SLMAP: variants seen among roughly 807,000 people sequenced by gnomAD.
SLMAP encodes sarcolemmal membrane-associated protein.
SLMAP carries 44 observed loss-of-function variants against 128.8 expected under a neutral mutation model. The ratio of observed to expected loss-of-function variants is 0.34; its 90% CI spans 0.27 to 0.44. The LOEUF (loss-of-function observed/expected upper bound fraction) is 0.44, where lower values mean the gene tolerates loss of function less well. Ranked by LOEUF, SLMAP falls within the 20% of genes least tolerant of loss-of-function variation. SLMAP has a pLI of 1.00. For synonymous variants in SLMAP, 327 were observed against 348.8 expected (o/e 0.94, Z 0.70); for missense variants, 787 against 985.3 (o/e 0.80, Z 2.69).
intron 8 of SLMAP, among the ~76,000 whole-genome samples, chr3:57,858,547 T>C (rs1306859061): frequency 6.6e-6 from 1 of 152,216 alleles, no homozygotes; most frequent in Non-Finnish European, 1.5e-5. Flanking sequence ...ATGGATGGTA[T>C]TGTGTTCTTC....
At chr3:57,771,584 C>T (rs552259537) in intron 2 of SLMAP, among the ~76,000 whole-genome samples, 22 of 152,048 alleles carry the variant, frequency 1.4e-4, no homozygotes, top group Non-Finnish European at 2.4e-4. Context: ...GGCTGGAATA[C>T]GGTGCAGTCA....
At chr3:57,787,685 AG>A (rs933000447) in intron 2 of SLMAP, among the ~76,000 whole-genome samples, 1 of 152,188 alleles carries the variant, frequency 6.6e-6, no homozygotes, top group Non-Finnish European at 1.5e-5. Context: ...CATGTTGGCC[AG>A]GCTGGTCTTG....
chr3:57,863,677 A>G (rs1410987699), intron 10 of SLMAP, among the ~76,000 whole-genome samples: 1 of 152,146 alleles, frequency 6.6e-6, no homozygotes, highest in Non-Finnish European at 1.5e-5. Flanking sequence ...GAATTCACTC[A>G]TTACCATGAG....
chr3:57,840,423 G>A (rs868529640), intron 3 of SLMAP, among the ~76,000 whole-genome samples: 12 of 152,144 alleles, frequency 7.9e-5, no homozygotes, highest in African/African-American at 2.4e-4. Context: ...TTTTTAATCA[G>A]AGCTTAGTGA....
intron 22 of SLMAP, 62 bp from the exon 23 acceptor site, chr3:57,922,827 G>C: frequency 6.6e-7 from 1 of 1,507,808 alleles, no homozygotes; most frequent in Non-Finnish European, 9.1e-7. Flanking sequence ...AACCTGATTA[G>C]AACCATAACA....
At chr3:57,844,487 C>A (rs17058599) in intron 4 of SLMAP, among the ~76,000 whole-genome samples, 1 of 151,940 alleles carries the variant, frequency 6.6e-6, no homozygotes, top group African/African-American at 2.4e-5. Flanking sequence ...ACATTTCCTT[C>A]TTATGGTTTG....
rs373014506 is a variant in SLMAP, at chr3:57,902,463, C to T, written c.1502-5421C>T. Among the ~76,000 whole-genome samples, 24 of 152,290 alleles carry T rather than the reference C, an allele frequency of 1.6e-4. No individual in the cohort carries two copies. The East Asian group carries it at 2.9e-3, about 18-fold the overall frequency. ...GATCATTATAACAATTCAGTGGCTT[C>T]TGAGCACAGCAATGATATGATCAGA... On this transcript the variant is annotated intron_variant, in intron 17 of 24. Transcript: ENST00000671191.
At chr3:57,795,941 T>A (rs2086638464) in intron 2 of SLMAP, among the ~76,000 whole-genome samples, 1 of 152,236 alleles carries the variant, frequency 6.6e-6, no homozygotes, top group South Asian at 2.1e-4. Context: ...CCTGATAGTA[T>A]CTTTTAAAGT....
Position 57,862,046 on chromosome 3 carries a change from G to C in SLMAP, c.926G>C (p.Gly309Ala). The change falls in exon 10 of 25, where the codon GGA becomes GCA. Residue 309 changes from glycine to alanine, a missense_variant. Gly to Ala is a moderately conservative substitution (Grantham distance 60). Around this residue, in one of 2 missense-constraint regions of SLMAP, gnomAD observed 715 missense variants for 843.6 expected, o/e 0.85. Coordinates refer to ENST00000671191, the MANE Select transcript of SLMAP (RefSeq NM_001377540.1). ...AGAGAATTAGCCAACAAATATAATG[G>C]AGCAGTTAATGAGATTAAAGATTTA... is the stretch of plus-strand genomic sequence containing the variant. ...ELRELANKYN[G>A]AVNEIKDLSD... 1 of 1,594,452 alleles carries C rather than the reference G, an allele frequency of 6.3e-7. No homozygotes were observed. Among genetic ancestry groups the C allele is most frequent in the South Asian group, 1.1e-5 (1 of 90,612 alleles).
intron 3 of SLMAP, among the ~76,000 whole-genome samples, chr3:57,838,963 T>G (rs1404031127): frequency 6.6e-6 from 1 of 151,846 alleles, no homozygotes; most frequent in Non-Finnish European, 1.5e-5. Flanking sequence ...TTATTGTTGT[T>G]TGTTTGTTTG....
chr3:57,789,956 C>T (rs1001625432), intron 2 of SLMAP, among the ~76,000 whole-genome samples: 1 of 152,172 alleles, frequency 6.6e-6, no homozygotes, highest in Non-Finnish European at 1.5e-5. Context: ...CCTGCCTCAG[C>T]CTCCCAAGTA....
At chr3:57,896,809 A>C in intron 16 of SLMAP, 64 bp from the exon 17 acceptor site, 2 of 1,513,782 alleles carry the variant, frequency 1.3e-6, no homozygotes. Flanking sequence ...TTTTGATAAC[A>C]ATAGCTTGCT....
chr3:57,809,566 G>A (rs1183742129), intron 2 of SLMAP, among the ~76,000 whole-genome samples: 1 of 152,198 alleles, frequency 6.6e-6, no homozygotes, highest in Non-Finnish European at 1.5e-5. Context: ...AGGCAGACAG[G>A]TTCCCGGGTG....
Position 57,877,690 on chromosome 3 carries a change from G to C in SLMAP, c.1300+5992G>C, listed in dbSNP as rs538597127. Among the ~76,000 whole-genome samples, 92 of 152,116 alleles carry C rather than the reference G, an allele frequency of 6.0e-4. 1 individual carries two copies. The South Asian group carries it at 0.017, about 29-fold the overall frequency. On this transcript the variant is annotated intron_variant, in intron 14 of 24. Transcript: ENST00000671191. ...ATTTTCTCCCATTATAACTGCCCAG[G>C]TGACAATCTTAAGTACATGCCAGTG... is the stretch of plus-strand genomic sequence containing the variant.
At chr3:57,840,100 C>T (rs958235106) in intron 3 of SLMAP, among the ~76,000 whole-genome samples, 4 of 152,068 alleles carry the variant, frequency 2.6e-5, no homozygotes, top group Admixed American at 6.6e-5. Context: ...GGATTACAGG[C>T]GTGAGCCACT....
At chr3:57,907,513 C>T (rs1055062656) in intron 17 of SLMAP, among the ~76,000 whole-genome samples, 1 of 152,196 alleles carries the variant, frequency 6.6e-6, no homozygotes, top group Admixed American at 6.5e-5. Context: ...ATTTTTCTGA[C>T]TGGTTATCAA....
chr3:57,808,249 G>A (rs1010900288), intron 2 of SLMAP, among the ~76,000 whole-genome samples: 1 of 151,776 alleles, frequency 6.6e-6, no homozygotes, highest in African/African-American at 2.4e-5. Context: ...TTTTGTGTCT[G>A]TATCTCCTTT....
intron 16 of SLMAP, 94 bp from the exon 17 acceptor site, chr3:57,896,779 G>A (rs1392586315): frequency 7.0e-7 from 1 of 1,424,324 alleles, no homozygotes. Flanking sequence ...TATAATAGCT[G>A]TATCAATTCC....
intron 2 of SLMAP, among the ~76,000 whole-genome samples, chr3:57,758,294 G>C (rs575501485): frequency 9.8e-5 from 15 of 152,350 alleles, no homozygotes; most frequent in Admixed American, 9.1e-4. Flanking sequence ...CTTTAGGTGA[G>C]TTCAGATCAG....
Sources: allele counts gnomAD v4.1 joint callset (sites outside exome capture counted in the v4.1 genomes callset), GRCh38; gene constraint gnomAD v4.1.1; regional missense constraint gnomAD v4.1.1; transcripts MANE v1.5; gene names NCBI Gene and HGNC (gene_info 2026-07-23, HGNC 2026-07-21).